Variants in USP15 observed in about 807,000 individuals in gnomAD.
USP15 encodes ubiquitin specific peptidase 15, also known as ubiquitin carboxyl-terminal hydrolase 15.
Under a neutral mutation model 127.1 loss-of-function variants are expected in USP15, and 18 were observed. The observed-to-expected ratio is 0.14, with a 90% CI of 0.10 to 0.21. The LOEUF is 0.21. USP15 is among the 10% of genes least tolerant of loss of function. The probability of loss-of-function intolerance (pLI) is 1.00; values close to 1 mark genes in which losing one functional copy is unlikely to be tolerated. For missense variants in USP15, 805 were observed against 1,159.9 expected, an observed-to-expected ratio of 0.69 and a Z score of 4.44; for synonymous variants, 364 against 393.7, an observed-to-expected ratio of 0.92 and a Z score of 0.89.
At chr12:62,307,315 T>C (rs1374361249) in intron 3 of USP15, among the ~76,000 whole-genome samples, 2 of 152,170 alleles carry the variant, frequency 1.3e-5, no homozygotes, top group Non-Finnish European at 2.9e-5. Flanking sequence ...AAATGTTAGA[T>C]AGAATAATTT....
At position 62,389,848 on chromosome 12, in the gene USP15, T is replaced by G. The variant is rs769117294; in HGVS notation, c.1704T>G (p.Pro568=). Residue 568 remains proline (P), a synonymous_variant, in exon 14 of 22, where the codon CCT becomes CCG. Transcript: ENST00000280377. The stretch of plus-strand genomic sequence containing the variant: ...AAGATACAGAGCACGTGATTATTCC[T>G]GTTTGCCTAAGAGAAAAATTCAGAC... ...RTEDTEHVII[P]VCLREKFRHS... 1.2e-6 allele frequency: 2 copies of G among 1,613,848 alleles called. No homozygotes were observed. The highest frequency in any genetic ancestry group is 1.7e-6 in the Non-Finnish European group (2 of 1,179,854).
intron 7 of USP15, among the ~76,000 whole-genome samples, chr12:62,351,596 A>G (rs2065968882): frequency 6.6e-6 from 1 of 152,006 alleles, no homozygotes; most frequent in Admixed American, 6.6e-5. Context: ...TTCTTAGTAA[A>G]TACGTGACAG....
At chr12:62,395,957 G>A (rs2067476698) in intron 19 of USP15, among the ~76,000 whole-genome samples, 1 of 151,910 alleles carries the variant, frequency 6.6e-6, no homozygotes, top group Admixed American at 6.6e-5. Context: ...AACAAGATTT[G>A]GTTGTTTCCA....
In USP15 at chr12:62,398,282, G is replaced by A. The variant is rs184496869; in HGVS notation, c.2674+1884G>A. Reference sequence around the variant, plus strand: ...ATCAGGGACTACAGGTGCATGCCACGACACCTGGCTTGTATGTATTTATTC... The same window carrying A: ...ATCAGGGACTACAGGTGCATGCCACAACACCTGGCTTGTATGTATTTATTC... On this transcript the variant is annotated intron_variant, in intron 20 of 21. Coordinates refer to ENST00000280377, the MANE Select transcript of USP15 (RefSeq NM_001252078.2). Among the ~76,000 whole-genome samples the A allele has an allele frequency of 3.7e-3, 566 of 152,070 alleles. 11 individuals carry two copies. The highest frequency in any genetic ancestry group is 0.013 in the African/African-American group (533 of 41,498).
At chr12:62,403,122 G>A (rs2067746632) in intron 21 of USP15, among the ~76,000 whole-genome samples, 1 of 152,168 alleles carries the variant, frequency 6.6e-6, no homozygotes, top group African/African-American at 2.4e-5. Context: ...ATAGCTGTGT[G>A]GAAATTTCCA....
chr12:62,375,392 C>T (rs1255804805), intron 8 of USP15, among the ~76,000 whole-genome samples: 3 of 152,090 alleles, frequency 2.0e-5, no homozygotes, highest in African/African-American at 7.2e-5. Flanking sequence ...TCTCACTGCT[C>T]TAAGTCTCTC....
chr12:62,350,117 A>G (rs1408805910), intron 7 of USP15, among the ~76,000 whole-genome samples: 1 of 151,832 alleles, frequency 6.6e-6, no homozygotes. Flanking sequence ...TCTAATACTT[A>G]TACTAATTAT....
At chr12:62,279,626 G>C (rs1277897609) in intron 1 of USP15, among the ~76,000 whole-genome samples, 2 of 151,984 alleles carry the variant, frequency 1.3e-5, no homozygotes, top group Non-Finnish European at 2.9e-5. Flanking sequence ...CTCACCAACA[G>C]TTACCTTTTG....
At chr12:62,304,135 G>A (rs2064406733) in intron 3 of USP15, among the ~76,000 whole-genome samples, 1 of 151,954 alleles carries the variant, frequency 6.6e-6, no homozygotes, top group Non-Finnish European at 1.5e-5. Context: ...GCGGTCTTCA[G>A]TATGATAAAC....
Position 62,390,893 on chromosome 12 carries a change from A to G in USP15, c.1874A>G (p.Glu625Gly). 6.2e-7 allele frequency: 1 copy of G among 1,611,980 alleles called. No homozygotes were observed. Residue 625 changes from glutamate (E) to glycine (G), a missense_variant, in exon 15 of 22, where the codon GAA becomes GGA. Coordinates refer to ENST00000280377, the MANE Select transcript of USP15 (RefSeq NM_001252078.2). ...CRYVKISTETEETEGSLHCCK... is the reference protein window; with the variant it reads ...CRYVKISTETGETEGSLHCCK... ...TATGTCAAAATATCTACTGAAACTGAAGAAACTGAAGGATCCCTACACTGC... is the reference window on the plus strand; with the variant it reads ...TATGTCAAAATATCTACTGAAACTGGAGAAACTGAAGGATCCCTACACTGC...
intron 6 of USP15, among the ~76,000 whole-genome samples, chr12:62,338,650 G>A (rs1409250746): frequency 6.6e-6 from 1 of 152,058 alleles, no homozygotes; most frequent in Non-Finnish European, 1.5e-5. Context: ...TTTTTTATAA[G>A]GTATAAGGAA....
At chr12:62,395,938 C>T (rs1449382879) in intron 19 of USP15, among the ~76,000 whole-genome samples, 3 of 151,958 alleles carry the variant, frequency 2.0e-5, no homozygotes, top group South Asian at 2.1e-4. Context: ...CACATAGTTT[C>T]GTCAAATCAA....
intron 21 of USP15, among the ~76,000 whole-genome samples, chr12:62,403,767 G>A (rs1238594439): frequency 6.6e-6 from 1 of 152,008 alleles, no homozygotes; most frequent in Non-Finnish European, 1.5e-5. Context: ...GATGATTGAT[G>A]GAACAGCATC....
At chr12:62,290,328 T>C (rs7312513) in intron 1 of USP15, among the ~76,000 whole-genome samples, 130,465 of 152,160 alleles carry the variant, frequency 0.86, 56,197 homozygotes, top group African/African-American at 0.93. Flanking sequence ...TATTTAGGAT[T>C]GTTATGTCTT....
In USP15 at chr12:62,401,200, A is replaced by G. The variant is rs1334686753; in HGVS notation, c.2688A>G (p.Ala896=). ...TTTTTTCATTAGATACTGCTTTTGCAAAAAATAAAGATGATGGAAAATGGT... is the reference window on the plus strand; with the variant it reads ...TTTTTTCATTAGATACTGCTTTTGCGAAAAATAAAGATGATGGAAAATGGT... ...GMGGGHYTAF[A]KNKDDGKWYY... is the part of the protein sequence containing the mutation. The change falls in exon 21 of 22, where the codon GCA becomes GCG. Residue 896 remains alanine (A), a synonymous_variant. Coordinates refer to ENST00000280377, the MANE Select transcript of USP15 (RefSeq NM_001252078.2). 1.2e-6 allele frequency: 2 copies of G among 1,610,680 alleles called. No homozygotes were observed. The highest frequency in any genetic ancestry group is 2.2e-5 in the East Asian group (1 of 44,694).
chr12:62,302,622 C>T lies in USP15; in HGVS notation c.218-168C>T, dbSNP rs980053305. On this transcript the variant is annotated intron_variant, in intron 2 of 21. Coordinates refer to ENST00000280377, the MANE Select transcript of USP15 (RefSeq NM_001252078.2). The stretch of plus-strand genomic sequence containing the variant: ...TGTTAGTGTTACAATTCTTCCAATA[C>T]GGCCCAGAGAAACCCAAAAATTGGA... Among the ~76,000 whole-genome samples, 4 of 152,096 alleles carry T rather than the reference C, an allele frequency of 2.6e-5. No homozygotes were observed. In the East Asian group the frequency reaches 5.8e-4, roughly 22 times the overall value.
At position 62,408,616 on chromosome 12, in the gene USP15, C is replaced by T. The variant is rs892963570; in HGVS notation, c.*4241C>T. The T allele has an allele frequency of 3.3e-5, 5 of 152,070 alleles. No homozygotes were observed. The highest frequency in any genetic ancestry group is 1.2e-4 in the African/African-American group (5 of 41,410). 9.4% of individuals were successfully genotyped at this position (152,070 alleles called of 1,614,324 possible). A position where few individuals can be genotyped will look rare whatever the true frequency, so the allele number is the denominator to read the frequency against. On this transcript the variant is annotated 3_prime_UTR_variant, in exon 22 of 22. Transcript: ENST00000280377. ...TTAACATGAGGAATTTGGAAACAAC[C>T]TCTCTTGAAAATATATTGGTATTCA... is the stretch of plus-strand genomic sequence containing the variant.
At chr12:62,278,313 T>C (rs2063550949) in intron 1 of USP15, among the ~76,000 whole-genome samples, 1 of 151,980 alleles carries the variant, frequency 6.6e-6, no homozygotes, top group Non-Finnish European at 1.5e-5. Flanking sequence ...TACAGCTAAC[T>C]TTTTTTTATA....
intron 8 of USP15, among the ~76,000 whole-genome samples, chr12:62,370,638 G>T (rs1283847211): frequency 6.6e-6 from 1 of 152,112 alleles, no homozygotes; most frequent in Non-Finnish European, 1.5e-5. Flanking sequence ...CCACCCTATA[G>T]AAATTGCTTT....
Sources: gnomAD v4.1 joint callset for allele counts (sites outside exome capture counted in the v4.1 genomes callset) on GRCh38, gnomAD v4.1.1 for gene constraint, MANE v1.5 for transcripts, NCBI Gene and HGNC (gene_info 2026-07-23, HGNC 2026-07-21) for gene names.